HAAO: variants seen among roughly 807,000 people sequenced by gnomAD.
HAAO encodes the protein 3-hydroxyanthranilate oxygenase.
In HAAO, 49 loss-of-function variants were observed where a neutral mutation model predicts 46.2. The ratio of observed to expected loss-of-function variants is 1.06; its 90% CI spans 0.84 to 1.34. The LOEUF is 1.34. HAAO is among the 40% of genes most tolerant of loss of function. The probability of loss-of-function intolerance (pLI) is 0.00; values close to 1 mark genes in which losing one functional copy is unlikely to be tolerated. For synonymous variants in HAAO, 157 were observed against 145.2 expected (o/e 1.08, Z -0.58); for missense variants, 408 against 364.5 (o/e 1.12, Z -0.97).
intron 2 of HAAO, among the ~76,000 whole-genome samples, chr2:42,787,288 G>A (rs1220545181): frequency 6.6e-6 from 1 of 152,210 alleles, no homozygotes; most frequent in East Asian, 1.9e-4. Context: ...GGCGAGAAGG[G>A]AAGCAAAGAC....
rs779405314 is a variant in HAAO at position 42,769,844 on chromosome 2, C to T, written c.499G>A (p.Glu167Lys). 15 of 1,611,526 alleles carry T rather than the reference C, an allele frequency of 9.3e-6. No homozygotes were observed. Among genetic ancestry groups the T allele is most frequent in the Middle Eastern group, 1.7e-4 (1 of 5,946 alleles). The change falls in exon 7 of 10, where the codon GAG becomes AAG. Residue 167 changes from glutamate (E) to lysine (K), a missense_variant. Coordinates refer to ENST00000294973, the MANE Select transcript of HAAO (RefSeq NM_012205.3). The part of the protein sequence containing the change: ...GKPIPDQLLK[E>K]PPFPLSTRSI... ...CGTGTGCTCAGAGGGAATGGTGGCT[C>T]CTTGAGCAGCTGGTCTGCACCCACA...
intron 2 of HAAO, among the ~76,000 whole-genome samples, chr2:42,787,026 C>T (rs1359438952): frequency 1.3e-5 from 2 of 152,126 alleles, no homozygotes; most frequent in African/African-American, 4.8e-5. Context: ...AGTGCTGCAC[C>T]ACCCCGCCAC....
chr2:42,771,947 G>A (rs1038270883), intron 4 of HAAO, among the ~76,000 whole-genome samples: 2 of 152,240 alleles, frequency 1.3e-5, no homozygotes, highest in African/African-American at 4.8e-5. Flanking sequence ...CTTTGGAGTG[G>A]CATTTTAATG....
chr2:42,783,742 G>A, intron 3 of HAAO, 42 bp downstream of exon 3: 1 of 1,538,394 alleles, frequency 6.5e-7, no homozygotes, highest in Non-Finnish European at 8.9e-7. Context: ...TTCCAGCTGT[G>A]GCCGCCTTTC....
intron 1 of HAAO, among the ~76,000 whole-genome samples, chr2:42,791,999 A>G (rs1248356218): frequency 6.6e-6 from 1 of 152,088 alleles, no homozygotes; most frequent in Admixed American, 6.6e-5. Context: ...ATCTTCCCAA[A>G]GGAGCGGATT....
At position 42,775,116 on chromosome 2, in the gene HAAO, G is replaced by A. The variant is rs1197029680; in HGVS notation, c.351-4534C>T. Among the ~76,000 whole-genome samples, 10 of 152,148 alleles carry A rather than the reference G, an allele frequency of 6.6e-5. No individual in the cohort carries two copies. The East Asian group carries it at 7.7e-4, about 12-fold the overall frequency. ...ACAAAAATTAGCTGGGCGCAGTGGC[G>A]CGCACCTGTAATTCCAGCTATTCAG... On this transcript the variant is annotated intron_variant, in intron 4 of 9. Transcript: ENST00000294973.
At chr2:42,787,406 G>T (rs565980948) in intron 2 of HAAO, among the ~76,000 whole-genome samples, 1 of 152,272 alleles carries the variant, frequency 6.6e-6, no homozygotes, top group African/African-American at 2.4e-5. Flanking sequence ...GCCATGCCAG[G>T]TCTACCCACC....
chr2:42,776,344 A>C (rs117534351), intron 4 of HAAO, among the ~76,000 whole-genome samples: 6,620 of 146,378 alleles, frequency 0.045, 166 homozygotes, highest in East Asian at 0.11. Flanking sequence ...GGTTCAAGAG[A>C]TTCTCCTGCT....
intron 4 of HAAO, among the ~76,000 whole-genome samples, chr2:42,771,815 G>A: frequency 6.6e-6 from 1 of 152,254 alleles, no homozygotes; most frequent in East Asian, 1.9e-4. Context: ...TGGTCCCGCT[G>A]GTGGGAGATG....
In HAAO at chr2:42,784,707, T is replaced by C. The variant is rs562498983; in HGVS notation, c.160-840A>G. 3.9e-5 allele frequency among the ~76,000 whole-genome samples: 6 copies of C among 152,270 alleles called. No individual in the cohort carries two copies. In the East Asian group the frequency reaches 1.2e-3, roughly 29 times the overall value. ...CAGCCAAATACTTGAAGGAATGTTA[T>C]CAACAGCATCTACTAAGAGAAACCA... On this transcript the variant is annotated intron_variant, in intron 2 of 9. Coordinates refer to ENST00000294973, the MANE Select transcript of HAAO (RefSeq NM_012205.3).
intron 4 of HAAO, among the ~76,000 whole-genome samples, chr2:42,781,914 A>C (rs1265011172): frequency 6.6e-6 from 1 of 152,196 alleles, no homozygotes; most frequent in East Asian, 1.9e-4. Context: ...GTATACAAAT[A>C]ATTAGGCCAA....
At chr2:42,769,669 G>T in intron 7 of HAAO, 44 bp downstream of exon 7, 1 of 1,552,940 alleles carries the variant, frequency 6.4e-7, no homozygotes, top group Non-Finnish European at 8.7e-7. Flanking sequence ...CATTTTCCAG[G>T]GCTGCTGTGG....
intron 5 of HAAO, 136 bp from the exon 6 acceptor site, chr2:42,770,322 C>G: frequency 1.1e-6 from 1 of 878,782 alleles, no homozygotes; most frequent in Non-Finnish European, 1.8e-6. Context: ...AGCTGTGTGT[C>G]TGCCATCCTT....
intron 2 of HAAO, among the ~76,000 whole-genome samples, 175 bp downstream of exon 2, chr2:42,788,354 G>A (rs1672544651): frequency 1.3e-5 from 2 of 152,206 alleles, no homozygotes; most frequent in Non-Finnish European, 2.9e-5. Flanking sequence ...CTGACCACCA[G>A]CTTGGAGGCA....
At chr2:42,781,875 A>C (rs972050479) in intron 4 of HAAO, among the ~76,000 whole-genome samples, 1 of 91,140 alleles carries the variant, frequency 1.1e-5, no homozygotes, top group East Asian at 2.1e-4. Context: ...ACTTTGTCTC[A>C]AAAAAAAAAA....
chr2:42,780,211 A>T (rs1297289899), intron 4 of HAAO, among the ~76,000 whole-genome samples: 6 of 137,748 alleles, frequency 4.4e-5, no homozygotes, highest in Admixed American at 1.5e-4. Flanking sequence ...TTTTTTTTTA[A>T]TTTTTTTTTT....
chr2:42,792,471 G>C lies in HAAO; in HGVS notation c.66C>G (p.Val22=), dbSNP rs373576552. The C allele has an allele frequency of 3.4e-5, 54 of 1,588,478 alleles. No homozygotes were observed. The East Asian group carries it at 5.8e-4, about 17-fold the overall frequency. The change falls in exon 1 of 10, where the codon GTC becomes GTG. Residue 22 remains valine, a synonymous_variant. Transcript: ENST00000294973. ...GCTGGACTCACATGAGCTTGTTGCA[G>C]ACCGGGGGCTGGAAGGAGCCCCGGT... ...KENRGSFQPP[V]CNKLMHQEQL...
chr2:42,783,514 G>A (rs544797839), intron 3 of HAAO, 94 bp from the exon 4 acceptor site: 16 of 790,116 alleles, frequency 2.0e-5, no homozygotes, highest in Admixed American at 8.4e-5. Flanking sequence ...GCTGACCCCC[G>A]GGCAGCAAAG....
Position 42,767,456 on chromosome 2 carries a change from C to T in HAAO, c.842G>A (p.Cys281Tyr), listed in dbSNP as rs1210372372. 2 of 1,612,914 alleles carry T rather than the reference C, an allele frequency of 1.2e-6. No homozygotes were observed. Among genetic ancestry groups the T allele is most frequent in the South Asian group, 2.2e-5 (2 of 90,822 alleles). ...VALSVTQDPA[C>Y]KKPLG Reference sequence around the variant, plus strand: ...AGAGGGTCACCCCAGGGGCTTCTTGCAGGCAGGGTCCTGGGTCACAGACAG... The same window carrying T: ...AGAGGGTCACCCCAGGGGCTTCTTGTAGGCAGGGTCCTGGGTCACAGACAG... The change falls in exon 10 of 10, where the codon TGC becomes TAC. Residue 281 changes from cysteine to tyrosine, a missense_variant. Physicochemically the swap from Cys to Tyr is radical, Grantham distance 194. Transcript: ENST00000294973.
Sources: allele counts gnomAD v4.1 joint callset (sites outside exome capture counted in the v4.1 genomes callset), GRCh38; gene constraint gnomAD v4.1.1; transcripts MANE v1.5; gene names NCBI Gene and HGNC (gene_info 2026-07-23, HGNC 2026-07-21).